The following HYDIN variants were observed in gnomAD, a reference collection of about 807,000 sequenced individuals.
HYDIN encodes HYDIN axonemal central pair apparatus protein.
Under a neutral mutation model 403.9 loss-of-function variants are expected in HYDIN, and 132 were observed. The ratio of observed to expected loss-of-function variants is 0.33; its 90% CI spans 0.28 to 0.38. The LOEUF is 0.38. Among genes scored for constraint, HYDIN ranks in the 10% least tolerant of loss-of-function variants. The pLI is 1.00. For missense variants in HYDIN, 2,827 were observed against 5,009.5 expected (o/e 0.56, Z 13.15); for synonymous variants, 1,202 against 1,891.7 (o/e 0.64, Z 9.46).
intron 18 of HYDIN, among the ~76,000 whole-genome samples, chr16:71,043,273 G>A (rs2081344206): frequency 6.7e-6 from 1 of 148,754 alleles, no homozygotes; most frequent in Non-Finnish European, 1.5e-5. Context: ...GCCTCGACAT[G>A]GGCCTGTTTC....
intron 76 of HYDIN, among the ~76,000 whole-genome samples, chr16:70,838,598 G>A (rs2037604145): frequency 1.3e-5 from 2 of 152,106 alleles, no homozygotes; most frequent in Admixed American, 6.5e-5. Flanking sequence ...ACAGTAGGGA[G>A]GAGTATATGT....
chr16:70,940,577 A>G (rs1194715440), intron 43 of HYDIN, among the ~76,000 whole-genome samples: 1 of 152,066 alleles, frequency 6.6e-6, no homozygotes, highest in Non-Finnish European at 1.5e-5. Flanking sequence ...CATTCTGAAG[A>G]TAAGTGGGAA....
At chr16:70,931,753 G>A (rs1450989231) in intron 45 of HYDIN, among the ~76,000 whole-genome samples, 1 of 152,160 alleles carries the variant, frequency 6.6e-6, no homozygotes, top group East Asian at 1.9e-4. Flanking sequence ...GGTGGCTCAT[G>A]CCTGTAATCC....
rs185106181 is a variant in HYDIN, at chr16:71,216,445, A to G, written c.-24+14117T>C. Among the ~76,000 whole-genome samples, 754 of 152,286 alleles carry G rather than the reference A, an allele frequency of 5.0e-3. 9 individuals are homozygous for G. Among genetic ancestry groups the G allele is most frequent in the African/African-American group, 0.017 (702 of 41,562 alleles). On this transcript the variant is annotated intron_variant, in intron 1 of 85. Coordinates refer to ENST00000393567, the MANE Select transcript of HYDIN (RefSeq NM_001270974.2). The stretch of plus-strand genomic sequence containing the variant: ...TCTAGGAATGTATACAAAATGGCAA[A>G]ACTATATTAGAACCCAAGAATGACT...
chr16:70,825,595 TTAGTGG>T (rs1178316989), intron 83 of HYDIN, among the ~76,000 whole-genome samples: 1 of 138,504 alleles, frequency 7.2e-6, no homozygotes, highest in African/African-American at 3.3e-5. Flanking sequence ...AGTGTTCTAT[TTAGTGG>T]TTTGTAGTAT....
rs2035138948 is a variant in HYDIN, at chr16:70,807,060, G to T, written c.*520C>A. 1.3e-5 allele frequency among the ~76,000 whole-genome samples: 2 copies of T among 152,144 alleles called. No homozygotes were observed. Among genetic ancestry groups the T allele is most frequent in the South Asian group, 2.1e-4 (1 of 4,826 alleles). On this transcript the variant is annotated 3_prime_UTR_variant, in exon 86 of 86. Transcript: ENST00000393567. ...TATAAAAGCCAAGAGAAAAAGTGAT[G>T]GGAGTGTCCCTGGATTGCCCTAATG...
At chr16:70,936,540 A>ATTTT (rs58496012) in intron 44 of HYDIN, among the ~76,000 whole-genome samples, 1 of 67,474 alleles carries the variant, frequency 1.5e-5, no homozygotes, top group Non-Finnish European at 5.6e-5. Context: ...GAAAATAAGA[A>ATTTT]TTTTTTTTTT....
At chr16:70,855,989 A>G (rs1228497407) in intron 72 of HYDIN, among the ~76,000 whole-genome samples, 1 of 151,652 alleles carries the variant, frequency 6.6e-6, no homozygotes, top group Non-Finnish European at 1.5e-5. Context: ...TTGGAACTTG[A>G]TTAAATTTGC....
In HYDIN at chr16:71,056,756, G is replaced by A. The variant is rs1363476057; in HGVS notation, c.2529+3748C>T. ...CACCTGAATTTGTAATAGGCTTGGG[G>A]AATAAACTATTAATTGAAGCTCTCT... On this transcript the variant is annotated intron_variant, in intron 18 of 85. Coordinates refer to ENST00000393567, the MANE Select transcript of HYDIN (RefSeq NM_001270974.2). Among the ~76,000 whole-genome samples the A allele has an allele frequency of 2.0e-5, 3 of 152,302 alleles. No homozygotes were observed. The East Asian group carries it at 5.8e-4, about 29-fold the overall frequency.
chr16:70,809,660 A>G (rs1023467815), intron 85 of HYDIN, 123 bp downstream of exon 85: 17 of 783,040 alleles, frequency 2.2e-5, no homozygotes, highest in Non-Finnish European at 3.7e-5. Context: ...AGGTGTCACC[A>G]TGACAACGAA....
intron 6 of HYDIN, among the ~76,000 whole-genome samples, chr16:71,154,346 G>A (rs971995351): frequency 2.8e-5 from 4 of 141,524 alleles, no homozygotes; most frequent in African/African-American, 1.1e-4. Context: ...GGCATGCACT[G>A]TGAAGTAATC....
chr16:70,821,989 G>A (rs1306835540), intron 83 of HYDIN, among the ~76,000 whole-genome samples: 1 of 152,146 alleles, frequency 6.6e-6, no homozygotes, highest in Non-Finnish European at 1.5e-5. Flanking sequence ...GAACTGTACA[G>A]GAGATGAATG....
chr16:71,094,327 T>A (rs1161639437), intron 10 of HYDIN, among the ~76,000 whole-genome samples: 1 of 152,174 alleles, frequency 6.6e-6, no homozygotes, highest in African/African-American at 2.4e-5. Context: ...TTTGCAAGCA[T>A]AAACACAGGT....
intron 1 of HYDIN, among the ~76,000 whole-genome samples, chr16:71,193,980 T>C (rs1002338413): frequency 2.6e-5 from 4 of 152,200 alleles, no homozygotes; most frequent in African/African-American, 4.8e-5. Flanking sequence ...ACATGTAAAA[T>C]GTAAACAAAT....
At chr16:71,103,957 C>G (rs1453776706) in intron 10 of HYDIN, among the ~76,000 whole-genome samples, 2 of 152,132 alleles carry the variant, frequency 1.3e-5, no homozygotes, top group Non-Finnish European at 2.9e-5. Context: ...ATTAATCTTT[C>G]ATAGTTTTCA....
rs374288771 is a variant in HYDIN, at chr16:71,024,036, G to A, written c.3186+1347C>T. Among the ~76,000 whole-genome samples the A allele has an allele frequency of 1.8e-4, 27 of 152,310 alleles. 1 individual carries two copies. Among genetic ancestry groups the A allele is most frequent in the Admixed American group, 5.2e-4 (8 of 15,308 alleles). On this transcript the variant is annotated intron_variant, in intron 21 of 85. Transcript: ENST00000393567. ...AGCAGGCTGTGAAATTTATCAGGGA[G>A]GACTGTTCTCACTGTTGTATCTCTA...
chr16:70,897,277 G>A (rs1164476613), intron 53 of HYDIN, among the ~76,000 whole-genome samples: 1 of 152,094 alleles, frequency 6.6e-6, no homozygotes, highest in African/African-American at 2.4e-5. Flanking sequence ...GGGCAGTGGG[G>A]GAAGCTCTCC....
chr16:71,058,937 G>GT (rs1307137212), intron 18 of HYDIN, among the ~76,000 whole-genome samples: 2 of 152,090 alleles, frequency 1.3e-5, no homozygotes, highest in African/African-American at 4.8e-5. Flanking sequence ...AACTAAGTAT[G>GT]TTTTTGCTTC....
intron 5 of HYDIN, among the ~76,000 whole-genome samples, chr16:71,174,581 G>T (rs1441427543): frequency 6.6e-6 from 1 of 151,886 alleles, no homozygotes; most frequent in South Asian, 2.1e-4. Context: ...CCCCATTTAG[G>T]CCCACAGAGA....
Sources: allele counts gnomAD v4.1 joint callset (sites outside exome capture counted in the v4.1 genomes callset), GRCh38; gene constraint gnomAD v4.1.1; transcripts MANE v1.5; gene names NCBI Gene and HGNC (gene_info 2026-07-23, HGNC 2026-07-21).